RAI1: variants seen among roughly 807,000 people sequenced by gnomAD.
The protein encoded by RAI1 is retinoic acid-induced protein 1.
In RAI1, 9 loss-of-function variants were observed where a neutral mutation model predicts 123.8. That is an observed-to-expected ratio of 0.07 (90% CI 0.04 to 0.13). The LOEUF is 0.13. RAI1 is among the 10% of genes least tolerant of loss of function. The pLI is 1.00. For synonymous variants in RAI1, 1,231 were observed against 1,127.3 expected (o/e 1.09, Z -1.84); for missense variants, 2,256 against 2,545.8 (o/e 0.89, Z 2.45).
chr17:17,753,841 C>T (rs1456366702), intron 2 of RAI1, among the ~76,000 whole-genome samples: 2 of 152,208 alleles, frequency 1.3e-5, no homozygotes, highest in Non-Finnish European at 2.9e-5. Context: ...CAGACCCTGG[C>T]TCCAGATTCA....
intron 2 of RAI1, among the ~76,000 whole-genome samples, chr17:17,726,433 A>G (rs1916092452): frequency 1.3e-5 from 2 of 152,150 alleles, no homozygotes; most frequent in African/African-American, 4.8e-5. Context: ...CAAGGGATTC[A>G]CTGCTGCTCA....
In RAI1 at chr17:17,794,887, A is replaced by G; in HGVS notation, c.1939A>G (p.Ser647Gly). The G allele has an allele frequency of 1.2e-6, 2 of 1,613,430 alleles. No individual in the cohort carries two copies. Among genetic ancestry groups the G allele is most frequent in the Middle Eastern group, 1.6e-4 (1 of 6,062 alleles). The change falls in exon 3 of 6, where the codon AGC (serine) becomes GGC (glycine). Residue 647 changes from serine (S) to glycine (G), a missense_variant. Physicochemically the swap from Ser to Gly is moderately conservative, Grantham distance 56. Around this residue, in one of 7 missense-constraint regions of RAI1, gnomAD observed 566 missense variants for 616.0 expected, o/e 0.92. Transcript: ENST00000353383. Reference sequence around the variant, plus strand: ...GCCACCCTTCTCGCTGGAGAACCACAGCGCCTGCCTGGACTCTGTGGCCAA... The same window carrying G: ...GCCACCCTTCTCGCTGGAGAACCACGGCGCCTGCCTGGACTCTGTGGCCAA... ...SKPPFSLENHSACLDSVAKSA... is the reference protein window; with the variant it reads ...SKPPFSLENHGACLDSVAKSA...
Position 17,794,935 on chromosome 17 carries a change from G to A in RAI1, c.1987G>A (p.Glu663Lys), listed in dbSNP as rs2032174262. The part of the protein sequence containing the change: ...VAKSAWPRPG[E>K]PEALPDSLQL... ...CAAGAGTGCGTGGCCCCGGCCTGGGGAGCCGGAGGCCCTGCCCGACTCCTT... is the reference window on the plus strand; with the variant it reads ...CAAGAGTGCGTGGCCCCGGCCTGGGAAGCCGGAGGCCCTGCCCGACTCCTT... Residue 663 changes from glutamate (E) to lysine (K), a missense_variant, in exon 3 of 6, where the codon GAG (glutamate) becomes AAG (lysine). Physicochemically the swap from Glu to Lys is moderately conservative, Grantham distance 56. Coordinates refer to ENST00000353383, the MANE Select transcript of RAI1 (RefSeq NM_030665.4). The A allele has an allele frequency of 6.2e-7, 1 of 1,613,720 alleles. No homozygotes were observed. The highest frequency in any genetic ancestry group is 8.5e-7 in the Non-Finnish European group (1 of 1,180,046).
chr17:17,743,441 G>A (rs1399142676), intron 2 of RAI1, among the ~76,000 whole-genome samples: 2 of 152,228 alleles, frequency 1.3e-5, no homozygotes, highest in Non-Finnish European at 2.9e-5. Context: ...CCCCCAGGGC[G>A]CAGGAACACA....
intron 2 of RAI1, among the ~76,000 whole-genome samples, chr17:17,729,630 G>A (rs1430639468): frequency 6.6e-6 from 1 of 152,218 alleles, no homozygotes; most frequent in African/African-American, 2.4e-5. Flanking sequence ...AGAGAGTAAG[G>A]AAAACCAGGT....
At position 17,682,676 on chromosome 17, in the gene RAI1, G is replaced by T. The variant is rs116106956; in HGVS notation, c.-149+883G>T. On this transcript the variant is annotated intron_variant, in intron 1 of 5. Coordinates refer to ENST00000353383, the MANE Select transcript of RAI1 (RefSeq NM_030665.4). Reference sequence around the variant, plus strand: ...GCGCCAGGGGCCTCCGTGGTGGGGCGGAGGGGAAGCGAAACACCAGCCAGG... The same window carrying T: ...GCGCCAGGGGCCTCCGTGGTGGGGCTGAGGGGAAGCGAAACACCAGCCAGG... 3.4e-3 allele frequency: 516 copies of T among 152,312 alleles called. 3 individuals are homozygous for T. Among genetic ancestry groups the T allele is most frequent in the African/African-American group, 0.012 (493 of 41,572 alleles). 9.4% of individuals were successfully genotyped at this position (152,312 alleles called of 1,614,324 possible). A position where few individuals can be genotyped will look rare whatever the true frequency, so the allele number is the denominator to read the frequency against.
At chr17:17,724,780 C>A (rs1269743892) in intron 2 of RAI1, among the ~76,000 whole-genome samples, 1 of 152,166 alleles carries the variant, frequency 6.6e-6, no homozygotes, top group Non-Finnish European at 1.5e-5. Context: ...TCGCCGCCCG[C>A]CAGCGCTTAA....
Position 17,795,953 on chromosome 17 carries a change from G to A in RAI1, c.3005G>A (p.Arg1002Gln), listed in dbSNP as rs1380711196. ...VPRGKSLRSR[R>Q]VHRGLPEAED... ...CGGGGCAAAAGCTTACGGAGCCGTCGGGTGCACCGGGGGCTGCCCGAGGCC... is the reference window on the plus strand; with the variant it reads ...CGGGGCAAAAGCTTACGGAGCCGTCAGGTGCACCGGGGGCTGCCCGAGGCC... Residue 1002 changes from arginine to glutamine, a missense_variant, in exon 3 of 6, where the codon CGG (arginine) becomes CAG (glutamine). Around this residue, in one of 7 missense-constraint regions of RAI1, gnomAD observed 566 missense variants for 616.0 expected, o/e 0.92. Coordinates refer to ENST00000353383, the MANE Select transcript of RAI1 (RefSeq NM_030665.4). This position sits in a 1 kb window ranked among gnomAD's most constrained non-coding sequence, Gnocchi z 5.9. 5.0e-6 allele frequency: 8 copies of A among 1,605,210 alleles called. No homozygotes were observed. Among genetic ancestry groups the A allele is most frequent in the Admixed American group, 1.7e-5 (1 of 59,348 alleles).
chr17:17,738,860 A>G (rs1916525689), intron 2 of RAI1, among the ~76,000 whole-genome samples: 1 of 152,176 alleles, frequency 6.6e-6, no homozygotes, highest in African/African-American at 2.4e-5. Flanking sequence ...CAAAGGGCTC[A>G]TGCTGCAAGC....
chr17:17,712,225 AAAC>A (rs751134557), intron 1 of RAI1, among the ~76,000 whole-genome samples: 1 of 152,254 alleles, frequency 6.6e-6, no homozygotes, highest in Non-Finnish European at 1.5e-5. Flanking sequence ...TCAGCGAATA[AAAC>A]AACATGTGAC....
intron 2 of RAI1, chr17:17,778,364 T>C: frequency 4.3e-6 from 1 of 235,056 alleles, no homozygotes; most frequent in South Asian, 5.6e-5. Context: ...TGGAAGTTGC[T>C]ACCTTTTATT....
At chr17:17,787,321 C>G (rs948757834) in intron 2 of RAI1, among the ~76,000 whole-genome samples, 1 of 152,232 alleles carries the variant, frequency 6.6e-6, no homozygotes, top group Non-Finnish European at 1.5e-5. Context: ...AGACAACTGC[C>G]TGGGCCACCA....
intron 2 of RAI1, among the ~76,000 whole-genome samples, chr17:17,742,415 T>TTGAATGAA (rs367761123): frequency 2.0e-5 from 3 of 152,010 alleles, no homozygotes; most frequent in African/African-American, 4.8e-5. Context: ...AGATCTTGGT[T>TTGAATGAA]TGAATGAATG....
intron 2 of RAI1, among the ~76,000 whole-genome samples, chr17:17,752,363 G>C (rs2030221053): frequency 1.3e-5 from 2 of 152,218 alleles, no homozygotes; most frequent in Non-Finnish European, 2.9e-5. Flanking sequence ...GAAAGGGGCG[G>C]GGCTGACCTG....
In RAI1 at chr17:17,796,748, C is replaced by T. The variant is rs1327884634; in HGVS notation, c.3800C>T (p.Pro1267Leu). ...AAGGAGGAGAGGCCTGAGGGTTCCC[C>T]CACCCTCTTCAAGAGGATGTCTTCT... ...DGKEERPEGS[P>L]TLFKRMSSPK... The change falls in exon 3 of 6, where the codon CCC becomes CTC. Residue 1267 changes from proline to leucine, a missense_variant. This residue lies in a region of RAI1 where 322 missense variants were observed against 358.0 expected (regional missense o/e 0.90). Transcript: ENST00000353383. This position sits in a 1 kb window ranked among gnomAD's most constrained non-coding sequence, Gnocchi z 5.8. The T allele has an allele frequency of 3.7e-6, 6 of 1,613,316 alleles. No individual in the cohort carries two copies. In the African/African-American group the frequency reaches 8.0e-5, roughly 22 times the overall value.
chr17:17,686,568 C>T (rs938912259), intron 1 of RAI1, among the ~76,000 whole-genome samples: 3 of 124,430 alleles, frequency 2.4e-5, no homozygotes, highest in African/African-American at 9.1e-5. Flanking sequence ...TTCTTGAACC[C>T]GTGTGTGTGT....
At chr17:17,764,414 T>C (rs2030831226) in intron 2 of RAI1, among the ~76,000 whole-genome samples, 2 of 151,976 alleles carry the variant, frequency 1.3e-5, no homozygotes, top group Admixed American at 1.3e-4. Context: ...CCAAGAGTAC[T>C]TTTGTCTGCC....
intron 2 of RAI1, among the ~76,000 whole-genome samples, chr17:17,742,445 G>T (rs537321876): frequency 4.6e-5 from 7 of 152,310 alleles, no homozygotes; most frequent in African/African-American, 1.2e-4. Flanking sequence ...ATGAATGAAC[G>T]AGTGAATGAA....
At chr17:17,731,588 A>G (rs527552709) in intron 2 of RAI1, among the ~76,000 whole-genome samples, 7 of 152,330 alleles carry the variant, frequency 4.6e-5, no homozygotes, top group Non-Finnish European at 8.8e-5. Flanking sequence ...GGGAACACAC[A>G]GGGACAATGA....
Sources: allele counts gnomAD v4.1 joint callset (sites outside exome capture counted in the v4.1 genomes callset), GRCh38; gene constraint gnomAD v4.1.1; regional missense constraint gnomAD v4.1.1; non-coding constraint Gnocchi (gnomAD v3.1); transcripts MANE v1.5; gene names NCBI Gene and HGNC (gene_info 2026-07-23, HGNC 2026-07-21).